Variants in GMPR2 observed in about 807,000 individuals in gnomAD.
GMPR2 encodes guanosine monophosphate reductase 2.
In GMPR2, 32 loss-of-function variants were observed where a neutral mutation model predicts 38.5. The observed-to-expected ratio is 0.83, with a 90% CI of 0.63 to 1.12. The LOEUF is 1.12. GMPR2 is among the 50% of genes most tolerant of loss of function. The probability of loss-of-function intolerance (pLI) is 0.00; values close to 1 mark genes in which losing one functional copy is unlikely to be tolerated. For missense variants in GMPR2, 396 were observed against 432.1 expected (o/e 0.92, Z 0.74); for synonymous variants, 154 against 151.0 (o/e 1.02, Z -0.15).
In GMPR2 at chr14:24,233,582, C is replaced by G. The variant is rs1223434926; in HGVS notation, c.191C>G (p.Ala64Gly). Reference protein sequence around the residue: ...NMDTVGTFEMAKVLCKFSLFT... With the variant: ...NMDTVGTFEMGKVLCKFSLFT... ...GATACTGTGGGCACCTTTGAGATGG[C>G]CAAGGTTCTCTGTAAGGTAGGGCTT... The change falls in exon 3 of 10, where the codon GCC becomes GGC. Residue 64 changes from alanine to glycine, a missense_variant. Transcript: ENST00000399440. 6.2e-7 allele frequency: 1 copy of G among 1,614,074 alleles called. No individual in the cohort carries two copies. The highest frequency in any genetic ancestry group is 2.2e-5 in the East Asian group (1 of 44,878).
In GMPR2 at chr14:24,233,590, C is replaced by T. The variant is rs753785422; in HGVS notation, c.199C>T (p.Leu67Phe). 5.0e-6 allele frequency: 8 copies of T among 1,614,128 alleles called. No homozygotes were observed. In the Admixed American group the frequency reaches 1.2e-4, roughly 24 times the overall value. The change falls in exon 3 of 10, where the codon CTC becomes TTC. Residue 67 changes from leucine (L) to phenylalanine (F), a missense_variant. Physicochemically the swap from Leu to Phe is conservative, Grantham distance 22. Transcript: ENST00000399440. ...GGGCACCTTTGAGATGGCCAAGGTT[C>T]TCTGTAAGGTAGGGCTTTCCTCATG... Reference protein sequence around the residue: ...TVGTFEMAKVLCKFSLFTAVH... With the variant: ...TVGTFEMAKVFCKFSLFTAVH...
At chr14:24,236,797 C>T (rs564999050) in intron 5 of GMPR2, among the ~76,000 whole-genome samples, 1 of 152,306 alleles carries the variant, frequency 6.6e-6, no homozygotes, top group East Asian at 1.9e-4. Flanking sequence ...ACCTTGTTGC[C>T]TTAGAAAAGT....
intron 5 of GMPR2, among the ~76,000 whole-genome samples, 172 bp downstream of exon 5, chr14:24,236,312 A>G (rs1566681767): frequency 2.0e-5 from 3 of 152,200 alleles, no homozygotes; most frequent in African/African-American, 4.8e-5. Context: ...TGGTCAGTGT[A>G]GTATCTCTGA....
At chr14:24,236,171 A>G (rs2098214263) in intron 5 of GMPR2, 31 bp downstream of exon 5, 1 of 1,566,168 alleles carries the variant, frequency 6.4e-7, no homozygotes, top group African/African-American at 1.4e-5. Context: ...GTACCTTTTT[A>G]TCTTTCCACT....
chr14:24,238,824 G>A lies in GMPR2; in HGVS notation c.*46G>A, dbSNP rs748849189. ...CCAAGGCACCAGTACTCTACCATGG[G>A]GCATCCCAAGTGGGGTCCTCACCCA... On this transcript the variant is annotated 3_prime_UTR_variant, in exon 10 of 10. Transcript: ENST00000399440. 1.3e-6 allele frequency: 2 copies of A among 1,549,104 alleles called. No individual in the cohort carries two copies. Among genetic ancestry groups the A allele is most frequent in the South Asian group, 1.1e-5 (1 of 89,258 alleles).
At position 24,236,095 on chromosome 14, in the gene GMPR2, A is replaced by G. The variant is rs2040329073; in HGVS notation, c.420A>G (p.Glu140=). 1.2e-6 allele frequency: 2 copies of G among 1,614,132 alleles called. No individual in the cohort carries two copies. Among genetic ancestry groups the G allele is most frequent in the Non-Finnish European group, 1.7e-6 (2 of 1,179,990 alleles). ...ATGGCTACTCTGAACACTTTGTTGA[A>G]TTTGTAAAAGATGTACGGAAGCGCT... is the stretch of plus-strand genomic sequence containing the variant. ...VANGYSEHFV[E]FVKDVRKRFP... is the part of the protein sequence containing the mutation. Residue 140 remains glutamate, a synonymous_variant, in exon 5 of 10, where the codon GAA becomes GAG. Transcript: ENST00000399440.
chr14:24,238,831 C>G lies in GMPR2; in HGVS notation c.*53C>G. 1 of 1,489,264 alleles carries G rather than the reference C, an allele frequency of 6.7e-7. No individual in the cohort carries two copies. The highest frequency in any genetic ancestry group is 2.3e-5 in the East Asian group (1 of 44,226). 92.3% of individuals were successfully genotyped at this position (1,489,264 alleles called of 1,614,324 possible). On this transcript the variant is annotated 3_prime_UTR_variant, in exon 10 of 10. Transcript: ENST00000399440. Reference sequence around the variant, plus strand: ...ACCAGTACTCTACCATGGGGCATCCCAAGTGGGGTCCTCACCCATCCCAGC... The same window carrying G: ...ACCAGTACTCTACCATGGGGCATCCGAAGTGGGGTCCTCACCCATCCCAGC...
upstream of GMPR2, chr14:24,232,916 C>T: frequency 2.3e-6 from 1 of 431,844 alleles, no homozygotes; most frequent in Non-Finnish European, 4.2e-6. Flanking sequence ...TTCCTTCGTT[C>T]CCCTAAATCA....
At position 24,237,357 on chromosome 14, in the gene GMPR2, G is replaced by T; in HGVS notation, c.654+6G>T. On this transcript the variant is annotated splice_donor_region_variant and intron_variant, in intron 7 of 9. Coordinates refer to ENST00000399440, the MANE Select transcript of GMPR2 (RefSeq NM_001002002.3). Reference sequence around the variant, plus strand: ...TCAAAGGCCACATCATTTCAGTAAGGCTCAAGGGCAGGGTAGGGTATGAGC... The same window carrying T: ...TCAAAGGCCACATCATTTCAGTAAGTCTCAAGGGCAGGGTAGGGTATGAGC... 6.4e-7 allele frequency: 1 copy of T among 1,572,206 alleles called. No homozygotes were observed. Among genetic ancestry groups the T allele is most frequent in the Non-Finnish European group, 8.8e-7 (1 of 1,141,952 alleles).
rs761140178 is a variant in GMPR2, at chr14:24,233,216, C to T, written c.-35-3C>T. On this transcript the variant is annotated splice_region_variant and splice_polypyrimidine_tract_variant and intron_variant, in intron 1 of 9. Coordinates refer to ENST00000399440, the MANE Select transcript of GMPR2 (RefSeq NM_001002002.3). ...TTGGTCCTTATGACTTCCTGCCTTCCAGCCCTCAGATTCATCGCTACCCCG... is the reference window on the plus strand; with the variant it reads ...TTGGTCCTTATGACTTCCTGCCTTCTAGCCCTCAGATTCATCGCTACCCCG... 3.7e-6 allele frequency: 6 copies of T among 1,613,484 alleles called. No homozygotes were observed. Among genetic ancestry groups the T allele is most frequent in the Non-Finnish European group, 5.1e-6 (6 of 1,180,004 alleles).
Position 24,236,080 on chromosome 14 carries a change from T to A in GMPR2, c.405T>A (p.Ser135=), listed in dbSNP as rs974245746. The part of the protein sequence containing the change: ...YICLDVANGY[S]EHFVEFVKDV... ...GCCTGGATGTGGCAAATGGCTACTC[T>A]GAACACTTTGTTGAATTTGTAAAAG... The change falls in exon 5 of 10, where the codon TCT becomes TCA. Residue 135 remains serine (S), a synonymous_variant. Transcript: ENST00000399440. 6.2e-7 allele frequency: 1 copy of A among 1,614,098 alleles called. No homozygotes were observed.
At chr14:24,232,908 C>A (rs944127934), upstream of GMPR2, 1 of 419,586 alleles carries the variant, frequency 2.4e-6, no homozygotes, top group Non-Finnish European at 4.4e-6. Context: ...CGCCAACATT[C>A]CTTCGTTCCC....
chr14:24,237,082 G>C lies in GMPR2; in HGVS notation c.477G>C (p.Val159=), dbSNP rs2040378898. ...TTGCTCTGTCTCAGGCAGGGAATGT[G>C]GTAACAGGAGAGATGGTAGAAGAGC... The part of the protein sequence containing the change: ...FPQHTIMAGN[V]VTGEMVEELI... The change falls in exon 6 of 10, where the codon GTG becomes GTC. Residue 159 remains valine (V), a synonymous_variant. Coordinates refer to ENST00000399440, the MANE Select transcript of GMPR2 (RefSeq NM_001002002.3). 1 of 1,612,278 alleles carries C rather than the reference G, an allele frequency of 6.2e-7. No homozygotes were observed. Among genetic ancestry groups the C allele is most frequent in the South Asian group, 1.1e-5 (1 of 91,006 alleles).
chr14:24,235,867 C>A, intron 4 of GMPR2, 47 bp downstream of exon 4: 2 of 1,587,872 alleles, frequency 1.3e-6, no homozygotes, highest in South Asian at 1.1e-5. Context: ...AGTTTTCCAG[C>A]AATTATATTT....
intron 8 of GMPR2, chr14:24,238,044 T>C: frequency 9.2e-6 from 5 of 541,028 alleles, no homozygotes; most frequent in Non-Finnish European, 1.6e-5. Flanking sequence ...CTTTTTTAAA[T>C]CTTGGGGAAA....
At chr14:24,237,465 A>G in intron 7 of GMPR2, 55 bp from the exon 8 acceptor site, 1 of 1,586,872 alleles carries the variant, frequency 6.3e-7, no homozygotes, top group Non-Finnish European at 8.7e-7. Context: ...CTGTTGGGAC[A>G]TCGCTGAGGG....
upstream of GMPR2, chr14:24,232,815 G>T: frequency 8.2e-6 from 2 of 243,206 alleles, no homozygotes; most frequent in Non-Finnish European, 1.6e-5. Flanking sequence ...GGTGGTCTTT[G>T]GTCAACTGCC....
chr14:24,238,163 A>C (rs890662431), intron 8 of GMPR2, 83 bp from the exon 9 acceptor site: 19 of 1,216,842 alleles, frequency 1.6e-5, no homozygotes, highest in Admixed American at 2.1e-5. Flanking sequence ...AGGACTGAGA[A>C]TATGGTGTGA....
rs763276126 is a variant in GMPR2 at position 24,233,577 on chromosome 14, G to A, written c.186G>A (p.Glu62=). The part of the protein sequence containing the change: ...AANMDTVGTF[E]MAKVLCKFSL... ...ATATGGATACTGTGGGCACCTTTGA[G>A]ATGGCCAAGGTTCTCTGTAAGGTAG... is the stretch of plus-strand genomic sequence containing the variant. Residue 62 remains glutamate, a synonymous_variant, in exon 3 of 10, where the codon GAG becomes GAA. Coordinates refer to ENST00000399440, the MANE Select transcript of GMPR2 (RefSeq NM_001002002.3). 4.3e-6 allele frequency: 7 copies of A among 1,614,022 alleles called. No homozygotes were observed. Among genetic ancestry groups the A allele is most frequent in the Non-Finnish European group, 5.9e-6 (7 of 1,180,032 alleles).
Sources: gnomAD v4.1 joint callset for allele counts (sites outside exome capture counted in the v4.1 genomes callset) on GRCh38, gnomAD v4.1.1 for gene constraint, MANE v1.5 for transcripts, NCBI Gene and HGNC (gene_info 2026-07-23, HGNC 2026-07-21) for gene names.